Variants in ARL10 observed in about 807,000 individuals in gnomAD.
ARL10 encodes the protein ADP-ribosylation factor-like protein 10.
In ARL10, 23 loss-of-function variants were observed where a neutral mutation model predicts 26.1. The observed-to-expected ratio is 0.88, with a 90% CI of 0.63 to 1.25. The LOEUF (loss-of-function observed/expected upper bound fraction) is 1.25, where lower values mean the gene tolerates loss of function less well. Among genes scored for constraint, ARL10 ranks in the 50% most tolerant of loss-of-function variants. ARL10 has a pLI of 0.00. For synonymous variants in ARL10, 138 were observed against 149.1 expected, an observed-to-expected ratio of 0.93 and a Z score of 0.54; for missense variants, 300 against 323.6, an observed-to-expected ratio of 0.93 and a Z score of 0.56.
downstream of ARL10, among the ~76,000 whole-genome samples, chr5:176,402,570 T>G (rs11958063): frequency 0.22 from 33,160 of 152,180 alleles, 3,632 homozygotes; most frequent in South Asian, 0.29. Context: ...TTATTTTCTG[T>G]GTCCTCCCCC....
downstream of ARL10, chr5:176,386,297 A>C (rs868204283): frequency 1.7e-5 from 3 of 180,092 alleles, no homozygotes; most frequent in South Asian, 3.7e-4. Context: ...CAGGAACTCA[A>C]GGAATTCTGT....
At chr5:176,398,120 AC>A in intron 1 of ARL10, 1 of 1,371,908 alleles carries the variant, frequency 7.3e-7, no homozygotes, top group Non-Finnish European at 1.0e-6. Context: ...CCTGCTGGGG[AC>A]CCACTCATGT....
the ARL10 span, among the ~76,000 whole-genome samples, chr5:176,413,691 G>A: frequency 2.0e-5 from 3 of 152,214 alleles, no homozygotes; most frequent in African/African-American, 7.2e-5. Flanking sequence ...GCCCCATCCA[G>A]GCTCCTGGCA....
At chr5:176,399,793 G>A (rs1427146043) in intron 1 of ARL10, among the ~76,000 whole-genome samples, 3 of 151,610 alleles carry the variant, frequency 2.0e-5, no homozygotes, top group African/African-American at 4.8e-5. Context: ...TGGGAGAATC[G>A]CTTGAGCCTG....
downstream of ARL10, among the ~76,000 whole-genome samples, chr5:176,390,140 C>A (rs556417474): frequency 3.4e-4 from 48 of 142,162 alleles, no homozygotes; most frequent in African/African-American, 1.0e-3. Context: ...TGAGATCGCG[C>A]CATTGCACTT....
At chr5:176,388,759 T>C, downstream of ARL10, 2 of 1,580,072 alleles carry the variant, frequency 1.3e-6, no homozygotes, top group African/African-American at 1.4e-5. Context: ...GCCCCTTTCA[T>C]GACCTTCACC....
intron 1 of ARL10, among the ~76,000 whole-genome samples, chr5:176,394,707 C>T (rs955134209): frequency 7.2e-5 from 11 of 152,014 alleles, no homozygotes; most frequent in Non-Finnish European, 1.5e-4. Flanking sequence ...CCCAGCTACT[C>T]AGGAGGCCGA....
At chr5:176,408,255 C>T in the ARL10 span, among the ~76,000 whole-genome samples, 16 of 151,258 alleles carry the variant, frequency 1.1e-4, no homozygotes, top group African/African-American at 3.4e-4. Flanking sequence ...ACTGTCATGC[C>T]GGGCACGGTG....
At chr5:176,389,191 A>G (rs761191130), downstream of ARL10, 4 of 1,119,736 alleles carry the variant, frequency 3.6e-6, no homozygotes, top group Non-Finnish European at 5.1e-6. Flanking sequence ...GTAACTAGGA[A>G]GACCTCGACT....
chr5:176,404,147 C>T (rs1756979437), downstream of ARL10, among the ~76,000 whole-genome samples: 1 of 152,252 alleles, frequency 6.6e-6, no homozygotes, highest in Non-Finnish European at 1.5e-5. Context: ...AGGATTCAAA[C>T]TGAATTGCTG....
the ARL10 span, among the ~76,000 whole-genome samples, chr5:176,412,918 G>A: frequency 1.3e-5 from 2 of 152,010 alleles, no homozygotes; most frequent in Admixed American, 1.3e-4. Context: ...CTGTGATGCC[G>A]GTCTGTACAT....
At chr5:176,389,635 T>A, downstream of ARL10, 1 of 926,958 alleles carries the variant, frequency 1.1e-6, no homozygotes, top group Non-Finnish European at 1.6e-6. Context: ...ACCCTTTGTG[T>A]AACTGTAACC....
rs1449441267 is a variant in ARL10 at position 176,374,096 on chromosome 5, C to T, written c.*2201C>T. ...ACATGTTTTAGCAGCCTTCAGCCGA[C>T]GATTGACTGAAGGTTTGGCTGCTGT... is the stretch of plus-strand genomic sequence containing the variant. On this transcript the variant is annotated 3_prime_UTR_variant, in exon 4 of 4. Coordinates refer to ENST00000310389, the MANE Select transcript of ARL10 (RefSeq NM_173664.6). 2 of 152,224 alleles carry T rather than the reference C, an allele frequency of 1.3e-5. No individual in the cohort carries two copies. Among genetic ancestry groups the T allele is most frequent in the South Asian group, 2.1e-4 (1 of 4,816 alleles). The allele number at this position is 152,224 out of a possible 1,614,324, so 9.4% of individuals were successfully genotyped here. A position where few individuals can be genotyped will look rare whatever the true frequency, so the allele number is the denominator to read the frequency against.
At chr5:176,398,004 G>A (rs545789858) in intron 1 of ARL10, 1 of 1,614,090 alleles carries the variant, frequency 6.2e-7, no homozygotes, top group African/African-American at 1.3e-5. Context: ...CAGCCTGTCA[G>A]CCTGGGCAAT....
Position 176,366,471 on chromosome 5 carries a change from C to T in ARL10, c.275C>T (p.Thr92Met). The T allele has an allele frequency of 6.2e-7, 1 of 1,613,962 alleles. No homozygotes were observed. ...GGGCTGGATGGCGCAGGCAAGAGCACGTTCCTGCGCGTGTTGTCGGGGAAG... is the reference window on the plus strand; with the variant it reads ...GGGCTGGATGGCGCAGGCAAGAGCATGTTCCTGCGCGTGTTGTCGGGGAAG... Reference protein sequence around the residue: ...VLGLDGAGKSTFLRVLSGKPP... With the variant: ...VLGLDGAGKSMFLRVLSGKPP... The change falls in exon 2 of 4, where the codon ACG (threonine) becomes ATG (methionine). Residue 92 changes from threonine to methionine, a missense_variant. Transcript: ENST00000310389.
chr5:176,412,037 G>A, the ARL10 span, among the ~76,000 whole-genome samples: 118 of 152,134 alleles, frequency 7.8e-4, no homozygotes, highest in African/African-American at 1.9e-3. Flanking sequence ...TTAGCCAGGC[G>A]TGGTGGCAGG....
downstream of ARL10, chr5:176,392,792 C>T (rs79922429): frequency 6.2e-7 from 1 of 1,614,204 alleles, no homozygotes; most frequent in African/African-American, 1.3e-5. This position sits in a 1 kb window ranked among gnomAD's most constrained non-coding sequence, Gnocchi z 5.2. Context: ...ACAGTGGCGT[C>T]TGCTTCAGGG....
intron 3 of ARL10, among the ~76,000 whole-genome samples, chr5:176,370,537 T>C (rs1768498647): frequency 6.6e-6 from 1 of 152,192 alleles, no homozygotes; most frequent in African/African-American, 2.4e-5. Flanking sequence ...TGACAATTAT[T>C]TATAAATAGG....
the ARL10 span, among the ~76,000 whole-genome samples, chr5:176,408,106 C>T: frequency 0.22 from 33,162 of 151,998 alleles, 3,634 homozygotes; most frequent in Middle Eastern, 0.29. Flanking sequence ...TATTGCATGC[C>T]TCTGTGGTCT....
Sources: gnomAD v4.1 joint callset for allele counts (sites outside exome capture counted in the v4.1 genomes callset) on GRCh38, gnomAD v4.1.1 for gene constraint, Gnocchi (gnomAD v3.1) non-coding constraint, MANE v1.5 for transcripts, NCBI Gene and HGNC (gene_info 2026-07-23, HGNC 2026-07-21) for gene names.